PCLO: variants seen among roughly 807,000 people sequenced by gnomAD.
PCLO encodes the protein piccolo presynaptic cytomatrix protein.
Under a neutral mutation model 427.5 loss-of-function variants are expected in PCLO, and 82 were observed. The ratio of observed to expected loss-of-function variants is 0.19; its 90% CI spans 0.16 to 0.23. The LOEUF is 0.23. Ranked by LOEUF, PCLO falls within the 10% of genes least tolerant of loss-of-function variation. The probability of loss-of-function intolerance (pLI) is 1.00; values close to 1 mark genes in which losing one functional copy is unlikely to be tolerated. For synonymous variants in PCLO, 2,357 were observed against 2,155.4 expected (o/e 1.09, Z -2.59); for missense variants, 6,239 against 6,115.9 (o/e 1.02, Z -0.67).
At chr7:82,779,099 A>C (rs1790815916) in intron 22 of PCLO, among the ~76,000 whole-genome samples, 1 of 152,138 alleles carries the variant, frequency 6.6e-6, no homozygotes, top group South Asian at 2.1e-4. Flanking sequence ...TCTTTTGTGA[A>C]CATTAACAAT....
intron 3 of PCLO, among the ~76,000 whole-genome samples, chr7:83,039,723 T>C (rs1402093728): frequency 6.6e-6 from 1 of 152,140 alleles, no homozygotes; most frequent in African/African-American, 2.4e-5. Flanking sequence ...CTTGTGCATT[T>C]CTACAAAATA....
chr7:82,977,203 A>G (rs1403419774), intron 3 of PCLO, among the ~76,000 whole-genome samples: 1 of 151,998 alleles, frequency 6.6e-6, no homozygotes, highest in Admixed American at 6.6e-5. Context: ...CTCCAAGAAT[A>G]ACCACTATTT....
At chr7:82,898,461 A>G (rs1439569961) in intron 9 of PCLO, among the ~76,000 whole-genome samples, 7 of 151,376 alleles carry the variant, frequency 4.6e-5, no homozygotes, top group Non-Finnish European at 7.4e-5. Flanking sequence ...GTTTTATATA[A>G]CTTTTATAAA....
At chr7:82,760,569 A>C in intron 24 of PCLO, 70 bp downstream of exon 24, 1 of 1,036,232 alleles carries the variant, frequency 9.7e-7, no homozygotes, top group Non-Finnish European at 1.4e-6. Flanking sequence ...ATAAATATTG[A>C]ATAATGGGAT....
intron 3 of PCLO, among the ~76,000 whole-genome samples, chr7:83,069,556 T>C (rs1789752938): frequency 6.6e-6 from 1 of 152,222 alleles, no homozygotes; most frequent in African/African-American, 2.4e-5. Context: ...AGTCAAGTTA[T>C]ACATGTACTT....
chr7:83,007,483 A>G (rs1460071735), intron 3 of PCLO, among the ~76,000 whole-genome samples: 2 of 151,562 alleles, frequency 1.3e-5, no homozygotes, highest in Non-Finnish European at 3.0e-5. Flanking sequence ...AGCTATGGAA[A>G]AACGATAACA....
At position 82,950,105 on chromosome 7, in the gene PCLO, C is replaced by A; in HGVS notation, c.10483G>T (p.Gly3495Trp). ...PTRSRRKARV[G>W]KYGDSMTEAD... Reference sequence around the variant, plus strand: ...TCTGTCATGCTGTCACCATATTTCCCTACACGAGCTTTCCTCCTTGATCTA... The same window carrying A: ...TCTGTCATGCTGTCACCATATTTCCATACACGAGCTTTCCTCCTTGATCTA... Residue 3495 changes from glycine to tryptophan, a missense_variant, in exon 6 of 25, where the codon GGG becomes TGG. By Grantham distance (184) the Gly-to-Trp change is radical. Coordinates refer to ENST00000333891, the MANE Select transcript of PCLO (RefSeq NM_033026.6). 6.2e-7 allele frequency: 1 copy of A among 1,610,784 alleles called. No individual in the cohort carries two copies.
intron 22 of PCLO, among the ~76,000 whole-genome samples, chr7:82,770,370 C>T (rs1003358209): frequency 7.9e-5 from 12 of 151,706 alleles, no homozygotes; most frequent in Non-Finnish European, 2.9e-5. Context: ...GAAATAAACC[C>T]ATCATCTCAC....
At chr7:83,080,700 T>G (rs1335703274) in intron 3 of PCLO, among the ~76,000 whole-genome samples, 1 of 152,064 alleles carries the variant, frequency 6.6e-6, no homozygotes, top group East Asian at 1.9e-4. Context: ...GTGAACATAT[T>G]TTTAATGTTT....
chr7:83,109,214 T>C (rs1022769027), intron 3 of PCLO, among the ~76,000 whole-genome samples: 3 of 152,132 alleles, frequency 2.0e-5, no homozygotes, highest in African/African-American at 7.2e-5. Context: ...ATGCCTACAA[T>C]TTTATTTGAC....
chr7:83,162,255 G>A, intron 1 of PCLO, 90 bp downstream of exon 1: 1 of 1,423,596 alleles, frequency 7.0e-7, no homozygotes, highest in Non-Finnish European at 9.4e-7. Flanking sequence ...CGACATATAT[G>A]TACCGCCGTG....
At chr7:82,905,356 C>T (rs1794161470) in intron 8 of PCLO, among the ~76,000 whole-genome samples, 1 of 152,022 alleles carries the variant, frequency 6.6e-6, no homozygotes, top group African/African-American at 2.4e-5. Context: ...AGATAGCCTT[C>T]ATGTCCTTTT....
At chr7:82,841,558 T>A (rs373615944) in intron 13 of PCLO, 49 bp from the exon 14 acceptor site, 1 of 1,130,026 alleles carries the variant, frequency 8.8e-7, no homozygotes, top group Non-Finnish European at 1.3e-6. Flanking sequence ...ATTTTTCACA[T>A]AATTTATCAT....
rs77268203 is a variant in PCLO at position 82,926,469 on chromosome 7, A to G, written c.11113-9596T>C. The stretch of plus-strand genomic sequence containing the variant: ...TATAGGACCCTATTAATAATAGAAT[A>G]AAAACAAAATAGAACATATTTAAAA... On this transcript the variant is annotated intron_variant, in intron 6 of 24. Transcript: ENST00000333891. Among the ~76,000 whole-genome samples, 1,213 of 152,300 alleles carry G rather than the reference A, an allele frequency of 8.0e-3. 21 individuals carry two copies. Among genetic ancestry groups the G allele is most frequent in the African/African-American group, 0.026 (1,099 of 41,564 alleles).
At chr7:83,045,317 G>A (rs553158057) in intron 3 of PCLO, among the ~76,000 whole-genome samples, 2 of 152,174 alleles carry the variant, frequency 1.3e-5, no homozygotes, top group Middle Eastern at 3.4e-3. Flanking sequence ...AGAGAGATTC[G>A]TTTTTCCACG....
intron 10 of PCLO, among the ~76,000 whole-genome samples, chr7:82,862,591 T>C (rs1299991478): frequency 1.7e-5 from 2 of 121,204 alleles, no homozygotes; most frequent in Non-Finnish European, 3.5e-5. Context: ...AAAAAAAGAA[T>C]TGGAAGCAAC....
rs142019328 is a variant in PCLO, at chr7:82,900,830, T to C, written c.13528+1821A>G. On this transcript the variant is annotated intron_variant, in intron 9 of 24. Coordinates refer to ENST00000333891, the MANE Select transcript of PCLO (RefSeq NM_033026.6). ...CTTTATTGGGATTAGAAGTTAACAT[T>C]AGTAACGTTGGGCAAAGAGTGGGCA... Among the ~76,000 whole-genome samples, 878 of 151,880 alleles carry C rather than the reference T, an allele frequency of 5.8e-3. 11 individuals are homozygous for C. The highest frequency in any genetic ancestry group is 0.02 in the African/African-American group (829 of 41,494).
chr7:82,992,245 A>T (rs76902186), intron 3 of PCLO, among the ~76,000 whole-genome samples: 8,112 of 152,156 alleles, frequency 0.053, 248 homozygotes, highest in South Asian at 0.079. Flanking sequence ...TACTACAAAG[A>T]AAGATGTAGG....
chr7:82,951,362 A>G lies in PCLO; in HGVS notation c.9226T>C (p.Tyr3076His), dbSNP rs1472559978. 2 of 1,606,790 alleles carry G rather than the reference A, an allele frequency of 1.2e-6. No homozygotes were observed. Among genetic ancestry groups the G allele is most frequent in the South Asian group, 1.1e-5 (1 of 89,676 alleles). The change falls in exon 6 of 25, where the codon TAT (tyrosine) becomes CAT (histidine). Residue 3076 changes from tyrosine (Y) to histidine (H), a missense_variant. Coordinates refer to ENST00000333891, the MANE Select transcript of PCLO (RefSeq NM_033026.6). Reference protein sequence around the residue: ...ARMTPPPGPQYCVGSVLRSSN... With the variant: ...ARMTPPPGPQHCVGSVLRSSN... Reference sequence around the variant, plus strand: ...GACCTCAAAACACTCCCCACACAATACTGGGGTCCTGGTGGTGGTGTCATT... The same window carrying G: ...GACCTCAAAACACTCCCCACACAATGCTGGGGTCCTGGTGGTGGTGTCATT...
Sources: allele counts gnomAD v4.1 joint callset (sites outside exome capture counted in the v4.1 genomes callset), GRCh38; gene constraint gnomAD v4.1.1; transcripts MANE v1.5; gene names NCBI Gene and HGNC (gene_info 2026-07-23, HGNC 2026-07-21).